Variants in SLC9A3 observed in about 807,000 individuals in gnomAD.
SLC9A3 encodes sodium/hydrogen exchanger 3.
A neutral mutation model predicts 86.8 loss-of-function variants in SLC9A3; 37 were observed. That is an observed-to-expected ratio of 0.43 (90% confidence interval 0.33 to 0.56). The LOEUF is 0.56. Among genes scored for constraint, SLC9A3 ranks in the 20% least tolerant of loss-of-function variants. SLC9A3 has a pLI of 0.06. For synonymous variants in SLC9A3, 581 were observed against 528.3 expected (o/e 1.10, Z -1.37); for missense variants, 1,011 against 1,171.9 (o/e 0.86, Z 2.00).
intron 2 of SLC9A3, among the ~76,000 whole-genome samples, chr5:490,759 T>C (rs778692122): frequency 3.3e-5 from 5 of 152,306 alleles, no homozygotes; most frequent in Non-Finnish European, 4.4e-5. Context: ...ATCCGAGGTG[T>C]GTCCTGACCA....
chr5:476,561 C>T lies in SLC9A3; in HGVS notation c.1872G>A (p.Leu624=), dbSNP rs934796245. ...TGCCCACCTCCTGCCGCGGCTTGTA[C>T]AGGTACTGCTGTAGCGTGTGGTGCG... ...MVTHHTLQQY[L]YKPRQEYKHL... Residue 624 remains leucine, a synonymous_variant, in exon 12 of 17, where the codon CTG becomes CTA. Transcript: ENST00000264938. The T allele has an allele frequency of 6.2e-7, 1 of 1,611,414 alleles. No homozygotes were observed. The highest frequency in any genetic ancestry group is 2.2e-5 in the East Asian group (1 of 44,876).
Position 482,765 on chromosome 5 carries a change from G to T in SLC9A3, c.1154-15C>A, listed in dbSNP as rs747977235. On this transcript the variant is annotated splice_polypyrimidine_tract_variant and intron_variant, in intron 6 of 16. Coordinates refer to ENST00000264938, the MANE Select transcript of SLC9A3 (RefSeq NM_004174.4). ...CAGGACCACACCTGCGGATGATGGG[G>T]CGGGCACTCAGCTCCCCGGCCGCCC... is the stretch of plus-strand genomic sequence containing the variant. The T allele has an allele frequency of 7.1e-5, 113 of 1,581,374 alleles. No individual in the cohort carries two copies. Among genetic ancestry groups the T allele is most frequent in the Admixed American group, 9.1e-5 (5 of 54,814 alleles).
At chr5:506,883 T>C (rs1022010089) in intron 1 of SLC9A3, among the ~76,000 whole-genome samples, 15 of 56,514 alleles carry the variant, frequency 2.7e-4, no homozygotes, top group African/African-American at 9.0e-4. Flanking sequence ...CTGGCCAATA[T>C]GGAGAAACAA....
Position 488,619 on chromosome 5 carries a change from C to T in SLC9A3, c.515-143G>A, listed in dbSNP as rs905343195. The stretch of plus-strand genomic sequence containing the variant: ...CGTGGGGAGCTGGGTCAGCTTCCTG[C>T]GTCCCTCCCACAGACCCCCAGCCCC... On this transcript the variant is annotated intron_variant, in intron 2 of 16. Coordinates refer to ENST00000264938, the MANE Select transcript of SLC9A3 (RefSeq NM_004174.4). 6.4e-5 allele frequency: 52 copies of T among 807,574 alleles called. No homozygotes were observed. In the Admixed American group the frequency reaches 1.0e-3, roughly 15 times the overall value. The allele number at this position is 807,574 out of a possible 1,614,324, so 50.0% of individuals were successfully genotyped here.
chr5:505,935 TA>T (rs1740559736), intron 1 of SLC9A3, among the ~76,000 whole-genome samples: 1 of 149,446 alleles, frequency 6.7e-6, no homozygotes, highest in Non-Finnish European at 1.5e-5. Flanking sequence ...GGGGTGGGGT[TA>T]GGGTTGGGGT....
At chr5:506,840 G>A (rs928110919) in intron 1 of SLC9A3, among the ~76,000 whole-genome samples, 1 of 151,640 alleles carries the variant, frequency 6.6e-6, no homozygotes, top group Non-Finnish European at 1.5e-5. Context: ...GGCCAAGGTG[G>A]GTGGATCACA....
chr5:522,771 T>C (rs1733921999), intron 1 of SLC9A3, among the ~76,000 whole-genome samples: 1 of 151,284 alleles, frequency 6.6e-6, no homozygotes, highest in African/African-American at 2.4e-5. Context: ...AAAAAGAAAT[T>C]ACCTTTTCAG....
chr5:506,209 C>T lies in SLC9A3; in HGVS notation c.212-14138G>A, dbSNP rs77012725. On this transcript the variant is annotated intron_variant, in intron 1 of 16. Transcript: ENST00000264938. Reference sequence around the variant, plus strand: ...CCAGGACTTTGTCACGAGCTTTGCCCGGACGCAGCAGCCGGAAGCGGTTGG... The same window carrying T: ...CCAGGACTTTGTCACGAGCTTTGCCTGGACGCAGCAGCCGGAAGCGGTTGG... Among the ~76,000 whole-genome samples the T allele has an allele frequency of 5.6e-3, 851 of 152,224 alleles. 6 individuals carry two copies. Among genetic ancestry groups the T allele is most frequent in the African/African-American group, 0.02 (825 of 41,512 alleles).
chr5:509,483 G>C (rs1358468535), intron 1 of SLC9A3, among the ~76,000 whole-genome samples: 1 of 138,898 alleles, frequency 7.2e-6, no homozygotes, highest in Non-Finnish European at 1.6e-5. Context: ...AGGAGGGAGG[G>C]AGGGAGGGAA....
At chr5:494,710 C>T (rs897579332) in intron 1 of SLC9A3, among the ~76,000 whole-genome samples, 2 of 152,212 alleles carry the variant, frequency 1.3e-5, no homozygotes, top group Non-Finnish European at 2.9e-5. Context: ...CCTGCCCACC[C>T]GCAGGCTGAC....
intron 16 of SLC9A3, 119 bp downstream of exon 16, chr5:474,764 A>C: frequency 1.8e-5 from 1 of 54,508 alleles, no homozygotes; most frequent in Non-Finnish European, 4.0e-5. Context: ...ACCTGGAGGG[A>C]GAGGAGCTGC....
chr5:479,790 A>C lies in SLC9A3; in HGVS notation c.1647+46T>G, dbSNP rs890986. 0.87 allele frequency: 1,396,462 copies of C among 1,605,100 alleles called. 611,138 individuals carry two copies. The highest frequency in any genetic ancestry group is 0.91 in the African/African-American group (68,166 of 74,934). ...CCCCATGGCACCCACAGCCAGTGCC[A>C]GAGCCTGCTGCAGCCCCGACCCGGC... On this transcript the variant is annotated intron_variant, in intron 10 of 16. Transcript: ENST00000264938.
intron 1 of SLC9A3, among the ~76,000 whole-genome samples, chr5:518,529 G>A (rs962238155): frequency 6.6e-6 from 1 of 152,194 alleles, no homozygotes. Flanking sequence ...TCTCAAGGGT[G>A]GGTGAGGAAA....
chr5:497,120 C>T lies in SLC9A3; in HGVS notation c.212-5049G>A, dbSNP rs1740051482. On this transcript the variant is annotated intron_variant, in intron 1 of 16. Transcript: ENST00000264938. The surrounding 1 kb of genome is among the most constrained non-coding windows in gnomAD (Gnocchi z 5.4). ...TTAAAAATAGTTGCAACTCAGAAGG[C>T]CCTGCTAGCCTCAGAGAGACAGTCT... Among the ~76,000 whole-genome samples the T allele has an allele frequency of 6.6e-6, 1 of 152,128 alleles. No homozygotes were observed. Among genetic ancestry groups the T allele is most frequent in the African/African-American group, 2.4e-5 (1 of 41,424 alleles).
At position 484,564 on chromosome 5, in the gene SLC9A3, C is replaced by T; in HGVS notation, c.888G>A (p.Leu296=). Reference sequence around the variant, plus strand: ...ACAGCATCTCGGACGTCAGGTAGGACAGGTAGGAGATGATGAACACGAAGC... The same window carrying T: ...ACAGCATCTCGGACGTCAGGTAGGATAGGTAGGAGATGATGAACACGAAGC... ...EPGFVFIISY[L]SYLTSEMLSL... Residue 296 remains leucine (L), a synonymous_variant, in exon 5 of 17, where the codon CTG becomes CTA. Coordinates refer to ENST00000264938, the MANE Select transcript of SLC9A3 (RefSeq NM_004174.4). 6.2e-7 allele frequency: 1 copy of T among 1,613,194 alleles called. No homozygotes were observed. The highest frequency in any genetic ancestry group is 8.5e-7 in the Non-Finnish European group (1 of 1,179,964).
chr5:491,808 C>A lies in SLC9A3; in HGVS notation c.475G>T (p.Gly159Trp). ...VGTVWNAATT[G>W]LSLYGVFLSG... Reference sequence around the variant, plus strand: ...AGGAAGACGCCGTAGAGGGACAGCCCGGTGGTGGCCGCGTTCCACACGGTA... The same window carrying A: ...AGGAAGACGCCGTAGAGGGACAGCCAGGTGGTGGCCGCGTTCCACACGGTA... The change falls in exon 2 of 17, where the codon GGG becomes TGG. Residue 159 changes from glycine to tryptophan, a missense_variant. This residue lies in a region of SLC9A3 where 565 missense variants were observed against 790.0 expected (regional missense o/e 0.72). Transcript: ENST00000264938. The surrounding 1 kb of genome is among the most constrained non-coding windows in gnomAD (Gnocchi z 9.2). 6.3e-7 allele frequency: 1 copy of A among 1,584,824 alleles called. No individual in the cohort carries two copies. The highest frequency in any genetic ancestry group is 8.6e-7 in the Non-Finnish European group (1 of 1,165,770).
Position 475,113 on chromosome 5 carries a change from A to G in SLC9A3, c.2271T>C (p.Phe757=), listed in dbSNP as rs1186414370. The G allele has an allele frequency of 6.2e-7, 1 of 1,602,194 alleles. No homozygotes were observed. Among genetic ancestry groups the G allele is most frequent in the South Asian group, 1.1e-5 (1 of 90,420 alleles). ...TGCGGTCCAGGGCCTCGTCCGGAGA[A>G]AACACAGGGTTGTCAATTCCTAGGA... ...DSPAGIDNPV[F]SPDEALDRSL... Residue 757 remains phenylalanine (F), a synonymous_variant, in exon 16 of 17, where the codon TTT becomes TTC. Coordinates refer to ENST00000264938, the MANE Select transcript of SLC9A3 (RefSeq NM_004174.4).
chr5:495,031 C>T (rs895572696), intron 1 of SLC9A3, among the ~76,000 whole-genome samples: 8 of 152,084 alleles, frequency 5.3e-5, no homozygotes, highest in African/African-American at 1.9e-4. Context: ...CCTCGGTGCC[C>T]GCCGGCACGT....
chr5:488,176 T>C, intron 3 of SLC9A3, 140 bp downstream of exon 3: 1 of 848,516 alleles, frequency 1.2e-6, no homozygotes, highest in East Asian at 2.6e-5. Flanking sequence ...AGGAAGGAGG[T>C]GGAGGGACGG....
Sources: gnomAD v4.1 joint callset for allele counts (sites outside exome capture counted in the v4.1 genomes callset) on GRCh38, gnomAD v4.1.1 for gene constraint, gnomAD v4.1.1 regional missense constraint, Gnocchi (gnomAD v3.1) non-coding constraint, MANE v1.5 for transcripts, NCBI Gene and HGNC (gene_info 2026-07-23, HGNC 2026-07-21) for gene names.